IQSEC2: variants seen among roughly 807,000 people sequenced by gnomAD.
IQSEC2 encodes the protein IQ motif and SEC7 domain-containing protein 2.
IQSEC2 carries 6 observed loss-of-function variants against 74.6 expected under a neutral mutation model. The observed-to-expected ratio is 0.08, with a 90% CI of 0.04 to 0.16. The LOEUF is 0.16. Among genes scored for constraint, IQSEC2 ranks in the 10% least tolerant of loss-of-function variants. IQSEC2 has a pLI of 1.00. For missense variants in IQSEC2, 734 were observed against 1,306.2 expected (o/e 0.56, Z 6.75); for synonymous variants, 494 against 544.5 (o/e 0.91, Z 1.29).
At chrX:53,287,488 CCT>C (rs1290994530) in intron 2 of IQSEC2, among the ~76,000 whole-genome samples, 1 of 112,933 alleles carries the variant, frequency 8.9e-6, no homozygotes, top group Non-Finnish European at 1.9e-5. Flanking sequence ...CTGCAGACCC[CCT>C]GACATGCAGG....
chrX:53,314,724 C>T (rs1569338885), intron 1 of IQSEC2, among the ~76,000 whole-genome samples: 1 of 112,011 alleles, frequency 8.9e-6, no homozygotes, highest in Non-Finnish European at 1.9e-5. Flanking sequence ...GAAGACCATG[C>T]AGGGCAGGCG....
intron 2 of IQSEC2, among the ~76,000 whole-genome samples, chrX:53,261,036 C>T (rs373576339): frequency 2.7e-4 from 30 of 110,633 alleles, no homozygotes; most frequent in African/African-American, 9.2e-4. Context: ...GGAGATCAGG[C>T]TGTCAGCACA....
chrX:53,235,882 A>C, intron 13 of IQSEC2, 50 bp from the exon 14 acceptor site: 5 of 1,091,758 alleles, frequency 4.6e-6, no homozygotes, highest in South Asian at 2.0e-5. Context: ...CCCCCCCCCT[A>C]CCCTGCTGGG....
chrX:53,284,147 T>C (rs1312796351), intron 2 of IQSEC2, among the ~76,000 whole-genome samples: 3 of 111,057 alleles, frequency 2.7e-5, no homozygotes, highest in Non-Finnish European at 5.7e-5. Context: ...GGAGTATCTT[T>C]GAAGCCCCTA....
chrX:53,263,906 C>T (rs1471692467), intron 2 of IQSEC2, among the ~76,000 whole-genome samples: 4 of 112,724 alleles, frequency 3.5e-5, no homozygotes, highest in East Asian at 5.6e-4. Context: ...TTCACCTTTG[C>T]GGACCTATGG....
Position 53,233,360 on chromosome X carries a change from G to A in IQSEC2, c.*859C>T, listed in dbSNP as rs781914607. 9.0e-6 allele frequency: 1 copy of A among 111,419 alleles called. No homozygotes were observed. The highest frequency in any genetic ancestry group is 2.9e-4 in the East Asian group (1 of 3,505). 9.2% of individuals were successfully genotyped at this position (111,419 alleles called of 1,213,427 possible). ...GCCCCTGCCCCAGCGAGGTGTGTGTGGGTGATATCTGTAAAGTGCATTGTC... is the reference window on the plus strand; with the variant it reads ...GCCCCTGCCCCAGCGAGGTGTGTGTAGGTGATATCTGTAAAGTGCATTGTC... On this transcript the variant is annotated 3_prime_UTR_variant, in exon 15 of 15. Coordinates refer to ENST00000642864, the MANE Select transcript of IQSEC2 (RefSeq NM_001111125.3).
chrX:53,319,307 G>T (rs1556879717), intron 1 of IQSEC2, among the ~76,000 whole-genome samples: 1 of 112,101 alleles, frequency 8.9e-6, no homozygotes, highest in African/African-American at 3.2e-5. Context: ...AGTGTGGCTG[G>T]ATTAAACATA....
Position 53,239,256 on chromosome X carries a change from C to T in IQSEC2, c.3054G>A (p.Thr1018=), listed in dbSNP as rs782748833. ...GGGGGAAAGACTGACGGAAACTGTA[C>T]GTCACCAAGATCTTCTTCTTCTGGA... The part of the protein sequence containing the change: ...KIFQKKKILV[T]YSFRQSFPLV... Residue 1018 remains threonine, a synonymous_variant, in exon 11 of 15, where the codon ACG becomes ACA. Coordinates refer to ENST00000642864, the MANE Select transcript of IQSEC2 (RefSeq NM_001111125.3). 22 of 1,209,975 alleles carry T rather than the reference C, an allele frequency of 1.8e-5. No individual in the cohort carries two copies. The South Asian group carries it at 2.8e-4, about 15-fold the overall frequency.
chrX:53,280,972 G>A (rs891444029), intron 2 of IQSEC2, among the ~76,000 whole-genome samples: 19 of 112,335 alleles, frequency 1.7e-4, no homozygotes, highest in Non-Finnish European at 5.6e-5. Flanking sequence ...TGCGGGCCAG[G>A]CCAGCTGCGA....
chrX:53,247,161 A>G, intron 7 of IQSEC2, 26 bp from the exon 8 acceptor site: 9 of 1,199,023 alleles, frequency 7.5e-6, no homozygotes, highest in Non-Finnish European at 1.0e-5. Context: ...GGTCAAAGCC[A>G]GACTCAGGAA....
chrX:53,236,221 T>G, intron 13 of IQSEC2, 101 bp downstream of exon 13: 1 of 911,061 alleles, frequency 1.1e-6, no homozygotes. Context: ...GGTGCGTGCA[T>G]GTGTGGCAGG....
chrX:53,280,148 C>T (rs944782144), intron 2 of IQSEC2, among the ~76,000 whole-genome samples: 1 of 95,018 alleles, frequency 1.1e-5, no homozygotes, highest in Non-Finnish European at 2.1e-5. Context: ...GGGAAGGGAG[C>T]CCTCCTCACA....
At chrX:53,258,342 G>A (rs1189761894) in intron 2 of IQSEC2, among the ~76,000 whole-genome samples, 1 of 111,841 alleles carries the variant, frequency 8.9e-6, no homozygotes, top group Non-Finnish European at 1.9e-5. Context: ...ATGACTCCCA[G>A]AATCCCAGCT....
At chrX:53,288,065 AG>A (rs2075051126) in intron 2 of IQSEC2, among the ~76,000 whole-genome samples, 1 of 111,140 alleles carries the variant, frequency 9.0e-6, no homozygotes, top group Non-Finnish European at 1.9e-5. Context: ...TTCCAGGCAA[AG>A]GAAGTGGTAG....
chrX:53,320,265 G>A (rs2075415892), intron 1 of IQSEC2, among the ~76,000 whole-genome samples, 152 bp downstream of exon 1: 1 of 111,754 alleles, frequency 8.9e-6, no homozygotes. Context: ...GGGAAGGGGT[G>A]TCGGCTGGAT....
At chrX:53,278,565 T>C (rs887039897) in intron 2 of IQSEC2, among the ~76,000 whole-genome samples, 13 of 112,387 alleles carry the variant, frequency 1.2e-4, no homozygotes, top group African/African-American at 4.2e-4. Context: ...TTGTTTTGGT[T>C]GTTTTTTTCT....
At chrX:53,240,837 C>T (rs919948105) in intron 10 of IQSEC2, among the ~76,000 whole-genome samples, 1 of 105,692 alleles carries the variant, frequency 9.5e-6, no homozygotes, top group Non-Finnish European at 1.9e-5. Flanking sequence ...TGCAATGGAG[C>T]GATCTCAGCT....
chrX:53,273,445 A>G (rs1556868984), intron 2 of IQSEC2, among the ~76,000 whole-genome samples: 1 of 111,818 alleles, frequency 8.9e-6, no homozygotes, highest in Non-Finnish European at 1.9e-5. Flanking sequence ...AATCTAAAGC[A>G]GGCAAGACAG....
intron 2 of IQSEC2, among the ~76,000 whole-genome samples, chrX:53,268,845 CG>C (rs2074697950): frequency 8.9e-6 from 1 of 112,335 alleles, no homozygotes; most frequent in African/African-American, 3.2e-5. Flanking sequence ...ATTTACTAGC[CG>C]GATGACCTTG....
Sources: gnomAD v4.1 joint callset for allele counts (sites outside exome capture counted in the v4.1 genomes callset) on GRCh38, gnomAD v4.1.1 for gene constraint, MANE v1.5 for transcripts, NCBI Gene and HGNC (gene_info 2026-07-23, HGNC 2026-07-21) for gene names.